Variants in VIT observed in about 807,000 individuals in gnomAD.
VIT encodes the protein vitrin.
A neutral mutation model predicts 78.0 loss-of-function variants in VIT; 99 were observed. That is an observed-to-expected ratio of 1.27 (90% CI 1.08 to 1.50). The LOEUF is 1.50. Among genes scored for constraint, VIT ranks in the 40% most tolerant of loss-of-function variants. VIT has a pLI of 0.00. For synonymous variants in VIT, 374 were observed against 334.3 expected (o/e 1.12, Z -1.29); for missense variants, 1,126 against 875.3 (o/e 1.29, Z -3.61).
chr2:36,747,484 G>A (rs977162577), intron 4 of VIT, among the ~76,000 whole-genome samples: 6 of 152,114 alleles, frequency 3.9e-5, no homozygotes, highest in African/African-American at 1.4e-4. Flanking sequence ...CTCCAATATT[G>A]GGTCTGTATA....
chr2:36,732,417 G>GA (rs1206226064), intron 3 of VIT, among the ~76,000 whole-genome samples: 2 of 151,904 alleles, frequency 1.3e-5, no homozygotes, highest in African/African-American at 2.4e-5. Context: ...ATTAAATAGG[G>GA]AAAAAAAGAT....
intron 2 of VIT, among the ~76,000 whole-genome samples, chr2:36,719,012 A>AAAAC (rs994473808): frequency 6.6e-6 from 1 of 152,232 alleles, no homozygotes; most frequent in Non-Finnish European, 1.5e-5. Flanking sequence ...TCGAACAAAT[A>AAAAC]AAACAAACAA....
In VIT at chr2:36,808,461, C is replaced by G. The variant is rs771420599; in HGVS notation, c.1390-11C>G. The G allele has an allele frequency of 9.6e-5, 152 of 1,590,432 alleles. No homozygotes were observed. In the Admixed American group the frequency reaches 2.5e-3, roughly 26 times the overall value. ...CTGACGTGGCGTGGGTCCCTCCCCT[C>G]TGTCTTCTAGGCCGTGTGCAGAACA... On this transcript the variant is annotated splice_polypyrimidine_tract_variant and intron_variant, in intron 14 of 15. Coordinates refer to ENST00000379242, the MANE Select transcript of VIT (RefSeq NM_053276.4).
Position 36,805,579 on chromosome 2 carries a change from C to T in VIT, c.1304C>T (p.Ser435Leu). 6.2e-7 allele frequency: 1 copy of T among 1,614,132 alleles called. No homozygotes were observed. Among genetic ancestry groups the T allele is most frequent in the Non-Finnish European group, 8.5e-7 (1 of 1,180,036 alleles). Reference sequence around the variant, plus strand: ...GAGGCTTCAAGACTTGCGAGAGAGTCAGGAATCAACATTTTCTTCATCACC... The same window carrying T: ...GAGGCTTCAAGACTTGCGAGAGAGTTAGGAATCAACATTTTCTTCATCACC... ...VEEASRLARESGINIFFITIE... is the reference protein window; with the variant it reads ...VEEASRLARELGINIFFITIE... The change falls in exon 14 of 16, where the codon TCA (serine) becomes TTA (leucine). Residue 435 changes from serine (S) to leucine (L), a missense_variant. Coordinates refer to ENST00000379242, the MANE Select transcript of VIT (RefSeq NM_053276.4).
chr2:36,728,175 C>G (rs939233869), intron 2 of VIT, among the ~76,000 whole-genome samples: 2 of 152,160 alleles, frequency 1.3e-5, no homozygotes, highest in Admixed American at 6.5e-5. Context: ...AGGCGATCCA[C>G]CCACCCCTGC....
At chr2:36,803,465 G>A (rs1666476496) in intron 13 of VIT, among the ~76,000 whole-genome samples, 1 of 152,186 alleles carries the variant, frequency 6.6e-6, no homozygotes, top group African/African-American at 2.4e-5. Flanking sequence ...AGGTTAGGTG[G>A]GGTTGAGGGG....
intron 1 of VIT, among the ~76,000 whole-genome samples, chr2:36,702,987 A>G (rs1053173780): frequency 6.6e-6 from 1 of 152,124 alleles, no homozygotes; most frequent in Non-Finnish European, 1.5e-5. Context: ...CAGAGCTAAA[A>G]CAACCCCAGG....
intron 6 of VIT, among the ~76,000 whole-genome samples, chr2:36,759,895 T>C (rs1669000748): frequency 6.6e-6 from 1 of 152,234 alleles, no homozygotes; most frequent in Non-Finnish European, 1.5e-5. Context: ...CCTATACTAT[T>C]ACTCTGGCTG....
intron 13 of VIT, among the ~76,000 whole-genome samples, chr2:36,803,686 T>G (rs971899097): frequency 3.3e-5 from 5 of 152,196 alleles, no homozygotes; most frequent in Admixed American, 6.5e-5. Context: ...ATGTAACCAT[T>G]TGATGCTCTC....
intron 9 of VIT, among the ~76,000 whole-genome samples, chr2:36,780,260 C>T (rs184117112): frequency 1.4e-4 from 21 of 152,294 alleles, no homozygotes; most frequent in Admixed American, 3.3e-4. Flanking sequence ...CTGTTTATCT[C>T]TTGATAAAGT....
intron 2 of VIT, among the ~76,000 whole-genome samples, chr2:36,726,818 C>CAAAAAAAAAAA (rs758452109): frequency 9.0e-6 from 1 of 111,608 alleles, no homozygotes; most frequent in African/African-American, 4.0e-5. Context: ...GACTCTGTCT[C>CAAAAAAAAAAA]AAAAAAAAAA....
chr2:36,768,243 C>A (rs1395685326), intron 7 of VIT, among the ~76,000 whole-genome samples: 1 of 152,098 alleles, frequency 6.6e-6, no homozygotes, highest in Non-Finnish European at 1.5e-5. Flanking sequence ...ACCAGCCTGG[C>A]CAGCATGGTG....
chr2:36,761,850 C>T (rs1669143160), intron 6 of VIT, among the ~76,000 whole-genome samples: 1 of 152,148 alleles, frequency 6.6e-6, no homozygotes, highest in African/African-American at 2.4e-5. Context: ...GTCGTCTGTC[C>T]AGTACTTTCT....
At chr2:36,760,601 A>G (rs1394957204) in intron 6 of VIT, among the ~76,000 whole-genome samples, 2 of 152,116 alleles carry the variant, frequency 1.3e-5, no homozygotes, top group African/African-American at 4.8e-5. Context: ...GGTCTCCTTA[A>G]GTGGCTGGCA....
At chr2:36,753,248 T>C (rs1668573599) in intron 4 of VIT, among the ~76,000 whole-genome samples, 2 of 151,966 alleles carry the variant, frequency 1.3e-5, no homozygotes, top group South Asian at 4.2e-4. Context: ...GAAGAATAAC[T>C]AATGGATGCT....
chr2:36,763,583 CTTTTTTTT>C (rs70946947), intron 6 of VIT, among the ~76,000 whole-genome samples: 4 of 60,434 alleles, frequency 6.6e-5, no homozygotes, highest in Non-Finnish European at 1.2e-4. Flanking sequence ...TCTATCTTCC[CTTTTTTTT>C]TTTTTTTTTT....
intron 9 of VIT, among the ~76,000 whole-genome samples, chr2:36,775,759 C>T (rs1670010069): frequency 6.7e-6 from 1 of 148,484 alleles, no homozygotes; most frequent in South Asian, 2.1e-4. Flanking sequence ...GCCTCAGAGT[C>T]TCCCATGAAC....
chr2:36,782,267 C>T (rs967527186), intron 10 of VIT, among the ~76,000 whole-genome samples: 2 of 152,180 alleles, frequency 1.3e-5, no homozygotes, highest in Admixed American at 1.3e-4. Flanking sequence ...GAGGACTCCG[C>T]CTCTGGACTT....
At chr2:36,769,340 GA>G (rs1423847925) in intron 7 of VIT, among the ~76,000 whole-genome samples, 1 of 152,220 alleles carries the variant, frequency 6.6e-6, no homozygotes. Flanking sequence ...TCTGCTGGTG[GA>G]AAACCTAAGA....
Sources: allele counts gnomAD v4.1 joint callset (sites outside exome capture counted in the v4.1 genomes callset), GRCh38; gene constraint gnomAD v4.1.1; transcripts MANE v1.5; gene names NCBI Gene and HGNC (gene_info 2026-07-23, HGNC 2026-07-21).